The following RBFOX1 variants were observed in gnomAD, a reference collection of about 807,000 sequenced individuals.
RBFOX1 encodes RNA binding fox-1 homolog 1.
A neutral mutation model predicts 57.7 loss-of-function variants in RBFOX1; 8 were observed. The observed-to-expected ratio is 0.14, with a 90% confidence interval of 0.08 to 0.25. The LOEUF is 0.25. RBFOX1 is among the 10% of genes least tolerant of loss of function. RBFOX1 has a pLI of 1.00. For missense variants in RBFOX1, 611 were observed against 548.5 expected (o/e 1.11, Z -1.14); for synonymous variants, 326 against 222.4 (o/e 1.47, Z -4.15).
intron 2 of RBFOX1, among the ~76,000 whole-genome samples, chr16:6,574,961 C>T (rs1028290439): frequency 6.6e-6 from 1 of 151,132 alleles, no homozygotes; most frequent in East Asian, 2.0e-4. Flanking sequence ...TGGCGTGAAC[C>T]TGGGAGGCGG....
rs528532398 is a variant in RBFOX1 at position 6,361,583 on chromosome 16, G to A, written c.-64+44526G>A. Among the ~76,000 whole-genome samples, 15 of 150,678 alleles carry A rather than the reference G, an allele frequency of 1.0e-4. No individual in the cohort carries two copies. The South Asian group carries it at 1.7e-3, about 17-fold the overall frequency. ...GCGGAGGTTGCAGTGAGCCAAGATC[G>A]CGCCACTGCATTCCAGCCTGGGTGA... On this transcript the variant is annotated intron_variant, in intron 2 of 15. Transcript: ENST00000550418.
chr16:5,756,779 G>A (rs2053413291), intron 3 of RBFOX1, among the ~76,000 whole-genome samples: 1 of 152,158 alleles, frequency 6.6e-6, no homozygotes, highest in Non-Finnish European at 1.5e-5. Flanking sequence ...ACTTGCCAGG[G>A]ATCTTGGCAA....
chr16:7,627,827 T>C (rs939450319), intron 10 of RBFOX1, among the ~76,000 whole-genome samples: 1 of 152,076 alleles, frequency 6.6e-6, no homozygotes, highest in African/African-American at 2.4e-5. Context: ...CCAAATTAAA[T>C]TGGAGGATGC....
At chr16:7,465,967 G>A (rs941909190) in intron 4 of RBFOX1, among the ~76,000 whole-genome samples, 2 of 152,174 alleles carry the variant, frequency 1.3e-5, no homozygotes, top group African/African-American at 4.8e-5. Context: ...ATAACTGGAA[G>A]CAGACATCTC....
intron 1 of RBFOX1, among the ~76,000 whole-genome samples, chr16:6,165,346 A>G (rs931097959): frequency 6.6e-6 from 1 of 152,186 alleles, no homozygotes; most frequent in African/African-American, 2.4e-5. Flanking sequence ...ACCAGTGCCA[A>G]AACAACCGTA....
At chr16:6,612,926 T>G (rs1009569709) in intron 2 of RBFOX1, among the ~76,000 whole-genome samples, 2 of 151,612 alleles carry the variant, frequency 1.3e-5, no homozygotes, top group Admixed American at 6.6e-5. Flanking sequence ...AAGTGAAGAT[T>G]ACCAAATTCA....
chr16:6,289,951 T>C (rs1411006693), intron 1 of RBFOX1, among the ~76,000 whole-genome samples: 1 of 152,040 alleles, frequency 6.6e-6, no homozygotes, highest in Non-Finnish European at 1.5e-5. Context: ...GAAATGGAAA[T>C]GTAACAGCTT....
At chr16:6,083,847 C>G (rs2096047239) in intron 1 of RBFOX1, among the ~76,000 whole-genome samples, 1 of 152,044 alleles carries the variant, frequency 6.6e-6, no homozygotes, top group Admixed American at 6.6e-5. Context: ...TTCTCTAACC[C>G]CGGGGGACAC....
chr16:7,177,967 A>T (rs544955197), intron 4 of RBFOX1, among the ~76,000 whole-genome samples: 1 of 152,202 alleles, frequency 6.6e-6, no homozygotes, highest in Non-Finnish European at 1.5e-5. Context: ...CAGACACAAC[A>T]TGCTCACGCT....
intron 2 of RBFOX1, among the ~76,000 whole-genome samples, chr16:6,537,425 G>A (rs545160507): frequency 4.6e-5 from 7 of 152,296 alleles, no homozygotes; most frequent in East Asian, 1.9e-4. Flanking sequence ...GGAGCCATGC[G>A]TGTATTATTT....
rs555375327 is a variant in RBFOX1 at position 6,963,091 on chromosome 16, C to T, written c.-15-88966C>T. On this transcript the variant is annotated intron_variant, in intron 3 of 15. Coordinates refer to ENST00000550418, the MANE Select transcript of RBFOX1 (RefSeq NM_018723.4). Reference sequence around the variant, plus strand: ...AATGCTCCAGGCCCACCTTCCCTCTCCTTTACTGAGGAAGTCCGAGATTCA... The same window carrying T: ...AATGCTCCAGGCCCACCTTCCCTCTTCTTTACTGAGGAAGTCCGAGATTCA... 1.1e-4 allele frequency among the ~76,000 whole-genome samples: 17 copies of T among 152,248 alleles called. No individual in the cohort carries two copies. The South Asian group carries it at 3.3e-3, about 30-fold the overall frequency.
At chr16:6,796,442 AC>A (rs879583819) in intron 3 of RBFOX1, among the ~76,000 whole-genome samples, 3 of 151,672 alleles carry the variant, frequency 2.0e-5, no homozygotes, top group Non-Finnish European at 4.4e-5. Flanking sequence ...AAGCACCCTA[AC>A]CCCCCACTGC....
At chr16:6,904,578 G>T (rs1459281575) in intron 3 of RBFOX1, among the ~76,000 whole-genome samples, 1 of 138,730 alleles carries the variant, frequency 7.2e-6, no homozygotes, top group Non-Finnish European at 1.5e-5. Flanking sequence ...TCCAGCCTGG[G>T]TGACAGAGTG....
At chr16:7,058,283 C>G (rs1044202774) in intron 4 of RBFOX1, among the ~76,000 whole-genome samples, 12 of 152,152 alleles carry the variant, frequency 7.9e-5, no homozygotes, top group African/African-American at 2.7e-4. Flanking sequence ...TCAGTTTAAA[C>G]TAAAGTATCT....
chr16:6,874,675 A>G (rs1224284866), intron 3 of RBFOX1, among the ~76,000 whole-genome samples: 1 of 152,108 alleles, frequency 6.6e-6, no homozygotes. Context: ...GTTCCTTAAC[A>G]TTGTGTTAAT....
At chr16:7,237,154 G>A (rs2093809557) in intron 4 of RBFOX1, among the ~76,000 whole-genome samples, 1 of 152,190 alleles carries the variant, frequency 6.6e-6, no homozygotes, top group South Asian at 2.1e-4. Context: ...ATGTCATTGG[G>A]ATAGGCCAGC....
intron 5 of RBFOX1, among the ~76,000 whole-genome samples, chr16:7,568,855 C>G (rs368483060): frequency 3.1e-5 from 4 of 129,284 alleles, no homozygotes; most frequent in African/African-American, 8.3e-5. Flanking sequence ...CCACTGCACT[C>G]CAGCCTGGGT....
At chr16:6,216,099 G>C (rs1224905053) in intron 1 of RBFOX1, among the ~76,000 whole-genome samples, 1 of 152,150 alleles carries the variant, frequency 6.6e-6, no homozygotes, top group Admixed American at 6.5e-5. Context: ...TGGGCACATG[G>C]AGGGGAATAA....
Position 5,760,161 on chromosome 16 carries a change from C to T in RBFOX1, c.319-107142C>T, listed in dbSNP as rs376117275. Among the ~76,000 whole-genome samples, 3 of 152,054 alleles carry T rather than the reference C, an allele frequency of 2.0e-5. No individual in the cohort carries two copies. In the East Asian group the frequency reaches 5.8e-4, roughly 29 times the overall value. ...ACTTTGTTAGGGTGACCAGGTTGTCCAGATTTGCCCGGAATGTTCCCAGTT... is the reference window on the plus strand; with the variant it reads ...ACTTTGTTAGGGTGACCAGGTTGTCTAGATTTGCCCGGAATGTTCCCAGTT... On this transcript the variant is annotated intron_variant, in intron 3 of 19. Coordinates refer to the RBFOX1 transcript ENST00000641259.
Sources: allele counts gnomAD v4.1 joint callset (sites outside exome capture counted in the v4.1 genomes callset), GRCh38; gene constraint gnomAD v4.1.1; transcripts MANE v1.5; gene names NCBI Gene and HGNC (gene_info 2026-07-23, HGNC 2026-07-21).